Variants in TARS3 observed in about 807,000 individuals in gnomAD.
TARS3 encodes threonyl-tRNA synthetase 3.
In TARS3, 94 loss-of-function variants were observed where a neutral mutation model predicts 103.5. The observed-to-expected ratio is 0.91, with a 90% CI of 0.77 to 1.08. The LOEUF is 1.08. Among genes scored for constraint, TARS3 ranks in the 50% least tolerant of loss-of-function variants. The pLI, the probability that TARS3 is intolerant of heterozygous loss-of-function variation, is 0.00. For missense variants in TARS3, 952 were observed against 995.2 expected (o/e 0.96, Z 0.58); for synonymous variants, 416 against 355.4 (o/e 1.17, Z -1.92).
At chr15:101,686,185 T>C (rs1898467866) in intron 10 of TARS3, 123 bp from the exon 11 acceptor site, 1 of 825,096 alleles carries the variant, frequency 1.2e-6, no homozygotes, top group Non-Finnish European at 1.8e-6. Flanking sequence ...ATGATTAATG[T>C]ACCCTCAGTT....
chr15:101,659,241 G>A (rs1326084526), intron 16 of TARS3, among the ~76,000 whole-genome samples: 1 of 152,164 alleles, frequency 6.6e-6, no homozygotes, highest in African/African-American at 2.4e-5. Flanking sequence ...TTAGTCTGAA[G>A]GTGAAAGGAC....
At chr15:101,692,823 T>G (rs923398118) in intron 10 of TARS3, among the ~76,000 whole-genome samples, 1 of 152,240 alleles carries the variant, frequency 6.6e-6, no homozygotes, top group African/African-American at 2.4e-5. Flanking sequence ...GTTAAACCCT[T>G]GGAGTGCATC....
intron 1 of TARS3, among the ~76,000 whole-genome samples, chr15:101,723,431 T>C (rs191817812): frequency 6.6e-6 from 1 of 152,200 alleles, no homozygotes; most frequent in Non-Finnish European, 1.5e-5. Context: ...CTGGAAAATG[T>C]GTGGTTGCTG....
chr15:101,722,591 G>A (rs1320897551), intron 2 of TARS3, among the ~76,000 whole-genome samples: 1 of 144,770 alleles, frequency 6.9e-6, no homozygotes, highest in East Asian at 2.1e-4. Flanking sequence ...CGGATCATGA[G>A]GTCAGGAGAT....
At chr15:101,721,093 A>C in intron 3 of TARS3, 33 bp downstream of exon 3, 1 of 1,558,602 alleles carries the variant, frequency 6.4e-7, no homozygotes. Context: ...ATAATTACTT[A>C]AGATTGAATA....
At chr15:101,659,056 G>T (rs1003173819) in intron 16 of TARS3, among the ~76,000 whole-genome samples, 2 of 152,128 alleles carry the variant, frequency 1.3e-5, no homozygotes, top group African/African-American at 4.8e-5. Context: ...CCTCCCAAAG[G>T]TTGGGATTAC....
rs189189033 is a variant in TARS3, at chr15:101,716,942, T to A, written c.567-1979A>T. The stretch of plus-strand genomic sequence containing the variant: ...TGCAATGTCGGCTCACTGCAACCTC[T>A]ACCTTCCGGGTTCAAGTGATTCTCC... On this transcript the variant is annotated intron_variant, in intron 3 of 18. Transcript: ENST00000335968. Among the ~76,000 whole-genome samples the A allele has an allele frequency of 3.7e-4, 56 of 150,352 alleles. No individual in the cohort carries two copies. In the East Asian group the frequency reaches 8.9e-3, roughly 24 times the overall value.
At chr15:101,704,645 A>G (rs1277142491) in intron 7 of TARS3, among the ~76,000 whole-genome samples, 5 of 148,280 alleles carry the variant, frequency 3.4e-5, no homozygotes, top group African/African-American at 9.9e-5. Context: ...ACAGTGCAAG[A>G]CTCCATCTCA....
intron 17 of TARS3, among the ~76,000 whole-genome samples, chr15:101,657,487 A>G (rs1194397856): frequency 6.6e-6 from 1 of 152,260 alleles, no homozygotes; most frequent in Non-Finnish European, 1.5e-5. Context: ...TAAAGCTGCT[A>G]AGTTTTGGGG....
In TARS3 at chr15:101,675,599, C is replaced by T; in HGVS notation, c.1788+1G>A. 1.2e-6 allele frequency: 2 copies of T among 1,612,196 alleles called. No individual in the cohort carries two copies. Among genetic ancestry groups the T allele is most frequent in the Non-Finnish European group, 8.5e-7 (1 of 1,179,430 alleles). On this transcript the variant is annotated splice_donor_variant, in intron 13 of 18. Transcript: ENST00000335968. LOFTEE classifies it high-confidence loss of function. ...GAGGAAGCACAAGGTGTGTCTCTTA[C>T]CTTCTCAGCCTCATTCCACATCTCA...
intron 10 of TARS3, among the ~76,000 whole-genome samples, chr15:101,693,036 A>C (rs1033407039): frequency 1.3e-5 from 2 of 152,222 alleles, no homozygotes; most frequent in African/African-American, 2.4e-5. Context: ...CAAGTCAGGC[A>C]GATTCCAGGA....
At chr15:101,694,926 C>T (rs1898894791) in intron 10 of TARS3, among the ~76,000 whole-genome samples, 1 of 152,056 alleles carries the variant, frequency 6.6e-6, no homozygotes, top group African/African-American at 2.4e-5. Context: ...TTAGTGGGTA[C>T]AGAGATTAAG....
intron 12 of TARS3, among the ~76,000 whole-genome samples, chr15:101,677,218 G>A (rs542197451): frequency 6.6e-6 from 1 of 152,352 alleles, no homozygotes; most frequent in African/African-American, 2.4e-5. Context: ...GAAGAGATGA[G>A]CATCTGAATC....
At chr15:101,696,543 C>T (rs1163744625) in intron 10 of TARS3, among the ~76,000 whole-genome samples, 1 of 152,130 alleles carries the variant, frequency 6.6e-6, no homozygotes, top group Non-Finnish European at 1.5e-5. Flanking sequence ...TTCTGGGATA[C>T]TTTGCTATGT....
In TARS3 at chr15:101,654,611, G is replaced by A. The variant is rs1446310296; in HGVS notation, c.2380C>T (p.Arg794Trp). ...IDKLKNLRKTRTLNAEEAF is the reference protein window; with the variant it reads ...IDKLKNLRKTWTLNAEEAF ...AAGGCCTCCTCAGCATTGAGTGTCC[G>A]TGTCTTCCTGAGATTCTTCAGTTTA... The change falls in exon 19 of 19, where the codon CGG (arginine) becomes TGG (tryptophan). Residue 794 changes from arginine to tryptophan, a missense_variant. Arg to Trp is a moderately radical substitution (Grantham distance 101). Around this residue, in one of 2 missense-constraint regions of TARS3, gnomAD observed 540 missense variants for 631.0 expected, o/e 0.86. Transcript: ENST00000335968. 5 of 1,614,052 alleles carry A rather than the reference G, an allele frequency of 3.1e-6. No homozygotes were observed. The highest frequency in any genetic ancestry group is 2.5e-6 in the Non-Finnish European group (3 of 1,180,000).
intron 10 of TARS3, among the ~76,000 whole-genome samples, chr15:101,687,870 T>A (rs1898542262): frequency 6.6e-6 from 1 of 152,118 alleles, no homozygotes; most frequent in Admixed American, 6.5e-5. Flanking sequence ...TTCTGCCATC[T>A]GAGGTTACAA....
intron 10 of TARS3, 54 bp from the exon 11 acceptor site, chr15:101,686,116 A>G: frequency 3.4e-6 from 5 of 1,468,832 alleles, no homozygotes; most frequent in Non-Finnish European, 3.7e-6. Context: ...TCACAATTCC[A>G]TGCAAAGTAA....
chr15:101,720,523 A>T (rs1900396024), intron 3 of TARS3, among the ~76,000 whole-genome samples: 1 of 152,072 alleles, frequency 6.6e-6, no homozygotes, highest in African/African-American at 2.4e-5. Context: ...AGAATTACAG[A>T]TTTTTTTCTC....
intron 16 of TARS3, among the ~76,000 whole-genome samples, chr15:101,660,788 C>T (rs2141380691): frequency 6.6e-6 from 1 of 152,284 alleles, no homozygotes; most frequent in East Asian, 1.9e-4. Flanking sequence ...GCCTATCCAC[C>T]AGTGGCCACT....
Sources: allele counts gnomAD v4.1 joint callset (sites outside exome capture counted in the v4.1 genomes callset), GRCh38; gene constraint gnomAD v4.1.1; regional missense constraint gnomAD v4.1.1; transcripts MANE v1.5; gene names NCBI Gene and HGNC (gene_info 2026-07-23, HGNC 2026-07-21).